NUDT13: variants seen among roughly 807,000 people sequenced by gnomAD.
NUDT13 encodes the protein NAD(P)H pyrophosphatase NUDT13, mitochondrial.
Under a neutral mutation model 41.7 loss-of-function variants are expected in NUDT13, and 40 were observed. The ratio of observed to expected loss-of-function variants is 0.96; its 90% CI spans 0.75 to 1.25. The LOEUF is 1.25. Among genes scored for constraint, NUDT13 ranks in the 50% most tolerant of loss-of-function variants. The pLI is 0.00. For synonymous variants in NUDT13, 145 were observed against 155.5 expected, an observed-to-expected ratio of 0.93 and a Z score of 0.50; for missense variants, 390 against 416.1, an observed-to-expected ratio of 0.94 and a Z score of 0.55.
At chr10:73,127,237 G>C (rs888837054) in intron 8 of NUDT13, among the ~76,000 whole-genome samples, 1 of 152,004 alleles carries the variant, frequency 6.6e-6, no homozygotes, top group East Asian at 1.9e-4. Flanking sequence ...AAATTGGCTC[G>C]GCATGGTGGC....
chr10:73,125,517 G>A lies in NUDT13; in HGVS notation c.703+8G>A, dbSNP rs778720840. On this transcript the variant is annotated splice_region_variant and intron_variant, in intron 7 of 8. Transcript: ENST00000357321. ...CAGGTTTTTGTGATATAGGTGAGGA[G>A]TTTAGGGGATATACAGGTGACACTG... 3.2e-6 allele frequency: 5 copies of A among 1,539,706 alleles called. No homozygotes were observed. The South Asian group carries it at 5.8e-5, about 18-fold the overall frequency.
At chr10:73,121,874 T>G (rs1265659809) in intron 3 of NUDT13, among the ~76,000 whole-genome samples, 1 of 146,258 alleles carries the variant, frequency 6.8e-6, no homozygotes, top group African/African-American at 2.4e-5. Context: ...CTTAATAAGT[T>G]AACTATCATG....
chr10:73,127,536 T>G (rs1448772913), intron 8 of NUDT13, among the ~76,000 whole-genome samples: 2 of 151,530 alleles, frequency 1.3e-5, no homozygotes, highest in Non-Finnish European at 2.9e-5. Flanking sequence ...GGAGTCTTAC[T>G]CTGTCGCCCA....
At chr10:73,116,105 T>C (rs1230731587) in intron 2 of NUDT13, among the ~76,000 whole-genome samples, 1 of 152,072 alleles carries the variant, frequency 6.6e-6, no homozygotes, top group East Asian at 1.9e-4. Flanking sequence ...CCTCCCAGGC[T>C]GAATCAATTC....
At chr10:73,113,863 C>CT (rs1026194270) in intron 1 of NUDT13, among the ~76,000 whole-genome samples, 3 of 152,052 alleles carry the variant, frequency 2.0e-5, no homozygotes, top group Non-Finnish European at 2.9e-5. Context: ...GAATTCTTGA[C>CT]TTTTTTTACT....
At chr10:73,127,682 T>C (rs527420776) in intron 8 of NUDT13, among the ~76,000 whole-genome samples, 1 of 151,260 alleles carries the variant, frequency 6.6e-6, no homozygotes, top group Non-Finnish European at 1.5e-5. Flanking sequence ...CATAAACTTA[T>C]TCATCACTTA....
At chr10:73,126,451 C>T (rs1340747499) in intron 7 of NUDT13, among the ~76,000 whole-genome samples, 2 of 152,122 alleles carry the variant, frequency 1.3e-5, no homozygotes, top group Non-Finnish European at 2.9e-5. Flanking sequence ...GTAGTCCCTC[C>T]TACTGTCACA....
intron 8 of NUDT13, among the ~76,000 whole-genome samples, chr10:73,129,570 T>C (rs1842867017): frequency 1.3e-5 from 2 of 152,132 alleles, no homozygotes; most frequent in South Asian, 4.1e-4. Context: ...TTTTGGTTTT[T>C]ATAGAATATC....
chr10:73,130,809 C>A lies in NUDT13; in HGVS notation c.965C>A (p.Thr322Asn). The A allele has an allele frequency of 6.2e-7, 1 of 1,612,488 alleles. No individual in the cohort carries two copies. The highest frequency in any genetic ancestry group is 8.5e-7 in the Non-Finnish European group (1 of 1,179,536). ...KGPYTQQQNG[T>N]FPFWLPPKLA... The stretch of plus-strand genomic sequence containing the variant: ...CCCTATACTCAGCAACAGAATGGGA[C>A]TTTCCCATTCTGGCTGCCCCCTAAG... Residue 322 changes from threonine (T) to asparagine (N), a missense_variant, in exon 9 of 9, where the codon ACT (threonine) becomes AAT (asparagine). Physicochemically the swap from Thr to Asn is moderately conservative, Grantham distance 65 (BLOSUM62 0). Coordinates refer to ENST00000357321, the MANE Select transcript of NUDT13 (RefSeq NM_015901.6).
chr10:73,129,236 A>G (rs60042442), intron 8 of NUDT13, among the ~76,000 whole-genome samples: 22,896 of 147,524 alleles, frequency 0.16, 2,956 homozygotes, highest in African/African-American at 0.33. Flanking sequence ...GCAGTGGCAC[A>G]ATCTCAGCTC....
chr10:73,115,501 A>T (rs1842486255), intron 2 of NUDT13, among the ~76,000 whole-genome samples: 6 of 152,116 alleles, frequency 3.9e-5, no homozygotes, highest in Admixed American at 3.9e-4. Flanking sequence ...CTAAATATCC[A>T]ATAATATCTA....
In NUDT13 at chr10:73,122,301, C is replaced by T; in HGVS notation, c.350C>T (p.Ser117Phe). ...ALDLGLDSSF[S>F]ISASLHKPEM... is the part of the protein sequence containing the mutation. ...GATCTAGGTCTGGATAGCTCCTTTT[C>T]CATAAGTGGTACATGACATTATTCC... Residue 117 changes from serine (S) to phenylalanine (F), a missense_variant, in exon 4 of 9, where the codon TCC becomes TTC. Physicochemically the swap from Ser to Phe is radical, Grantham distance 155 (BLOSUM62 -2). Coordinates refer to ENST00000357321, the MANE Select transcript of NUDT13 (RefSeq NM_015901.6). 6.2e-7 allele frequency: 1 copy of T among 1,613,244 alleles called. No homozygotes were observed. The highest frequency in any genetic ancestry group is 8.5e-7 in the Non-Finnish European group (1 of 1,179,710).
chr10:73,119,963 C>T, intron 2 of NUDT13, 55 bp from the exon 3 acceptor site: 1 of 1,549,230 alleles, frequency 6.5e-7, no homozygotes, highest in Non-Finnish European at 8.9e-7. Context: ...AAGATGAATG[C>T]TATACAGGTA....
At chr10:73,124,111 C>T (rs751858946) in intron 4 of NUDT13, 103 bp from the exon 5 acceptor site, 9 of 756,864 alleles carry the variant, frequency 1.2e-5, no homozygotes, top group Non-Finnish European at 2.0e-5. Flanking sequence ...CTGAATCTTA[C>T]GAGGCAAGTT....
Position 73,125,461 on chromosome 10 carries a change from T to C in NUDT13, c.655T>C (p.Ser219Pro). The C allele has an allele frequency of 8.1e-6, 13 of 1,612,190 alleles. No individual in the cohort carries two copies. The highest frequency in any genetic ancestry group is 1.0e-5 in the Non-Finnish European group (12 of 1,179,364). Residue 219 changes from serine (S) to proline (P), a missense_variant, in exon 7 of 9, where the codon TCC becomes CCC. By Grantham distance (74) the Ser-to-Pro change is moderately conservative. Coordinates refer to ENST00000357321, the MANE Select transcript of NUDT13 (RefSeq NM_015901.6). ...GTRCLLARQS[S>P]FPKGMYSALA... ...CCGATGCCTGCTTGCCCGCCAAAGC[T>C]CCTTTCCCAAGGGAATGTATTCTGC...
At chr10:73,116,997 T>C (rs1842530632) in intron 2 of NUDT13, among the ~76,000 whole-genome samples, 1 of 143,832 alleles carries the variant, frequency 7.0e-6, no homozygotes, top group Admixed American at 7.3e-5. Flanking sequence ...GTGATTCTCC[T>C]GCCTCAGCCT....
chr10:73,125,422 G>C lies in NUDT13; in HGVS notation c.616G>C (p.Val206Leu). The C allele has an allele frequency of 1.2e-6, 2 of 1,613,648 alleles. No homozygotes were observed. The change falls in exon 7 of 9, where the codon GTG (valine) becomes CTG (leucine). Residue 206 changes from valine (V) to leucine (L), a missense_variant. Val to Leu is a conservative substitution (Grantham distance 32). Coordinates refer to ENST00000357321, the MANE Select transcript of NUDT13 (RefSeq NM_015901.6). Reference protein sequence around the residue: ...PQMAPVAITLVSDGTRCLLAR... With the variant: ...PQMAPVAITLLSDGTRCLLAR... Reference sequence around the variant, plus strand: ...GATGGCTCCTGTGGCGATCACGCTGGTGTCAGATGGGACCCGATGCCTGCT... The same window carrying C: ...GATGGCTCCTGTGGCGATCACGCTGCTGTCAGATGGGACCCGATGCCTGCT...
In NUDT13 at chr10:73,119,494, G is replaced by A. The variant is rs924807935; in HGVS notation, c.84-524G>A. On this transcript the variant is annotated intron_variant, in intron 2 of 8. Coordinates refer to ENST00000357321, the MANE Select transcript of NUDT13 (RefSeq NM_015901.6). Reference sequence around the variant, plus strand: ...AAGATACAGTGTTTACTCTTTGTCTGCTGTGAAAAAGTCTGTTCCCATCTC... The same window carrying A: ...AAGATACAGTGTTTACTCTTTGTCTACTGTGAAAAAGTCTGTTCCCATCTC... The A allele has an allele frequency of 9.2e-5, 91 of 985,574 alleles. 1 individual carries two copies. The South Asian group carries it at 2.7e-3, about 29-fold the overall frequency. The allele number at this position is 985,574 out of a possible 1,614,324, so 61.1% of individuals were successfully genotyped here. A position where few individuals can be genotyped will look rare whatever the true frequency, so the allele number is the denominator to read the frequency against.
intron 5 of NUDT13, 148 bp downstream of exon 5, chr10:73,124,468 G>A: frequency 3.4e-6 from 2 of 587,688 alleles, no homozygotes; most frequent in Admixed American, 3.0e-5. Flanking sequence ...ACAATGTGCT[G>A]TAGGGAGATT....
Sources: gnomAD v4.1 joint callset for allele counts (sites outside exome capture counted in the v4.1 genomes callset) on GRCh38, gnomAD v4.1.1 for gene constraint, MANE v1.5 for transcripts, NCBI Gene and HGNC (gene_info 2026-07-23, HGNC 2026-07-21) for gene names.